The following WWC2 variants were observed in gnomAD, a reference collection of about 807,000 sequenced individuals.
The protein encoded by WWC2 is protein WWC2.
WWC2 carries 101 observed loss-of-function variants against 138.5 expected under a neutral mutation model. That is an observed-to-expected ratio of 0.73 (90% CI 0.62 to 0.86). The LOEUF is 0.86. WWC2 is among the 40% of genes least tolerant of loss of function. The probability of loss-of-function intolerance (pLI) is 0.00; values close to 1 mark genes in which losing one functional copy is unlikely to be tolerated. For missense variants in WWC2, 1,420 were observed against 1,419.4 expected (o/e 1.00, Z -0.01); for synonymous variants, 558 against 538.4 (o/e 1.04, Z -0.50).
intron 1 of WWC2, among the ~76,000 whole-genome samples, chr4:183,172,556 GTTTTTTTT>G (rs61599876): frequency 2.7e-4 from 31 of 113,054 alleles, no homozygotes; most frequent in Admixed American, 2.1e-3. Context: ...TATGTTTCTT[GTTTTTTTT>G]TTTTTTTTTT....
chr4:183,157,498 T>G (rs1347918157), intron 1 of WWC2, among the ~76,000 whole-genome samples: 1 of 151,920 alleles, frequency 6.6e-6, no homozygotes, highest in Admixed American at 6.6e-5. Flanking sequence ...GTCACTCAAT[T>G]TTTTTTTATA....
chr4:183,155,192 GA>G (rs1196838576), intron 1 of WWC2, among the ~76,000 whole-genome samples: 24 of 33,146 alleles, frequency 7.2e-4, no homozygotes, highest in Middle Eastern at 0.012. Context: ...CTTCTGAGGA[GA>G]GAGAGAGAGA....
chr4:183,108,812 T>C (rs1237592724), intron 1 of WWC2, among the ~76,000 whole-genome samples: 3 of 152,174 alleles, frequency 2.0e-5, no homozygotes, highest in African/African-American at 2.4e-5. Flanking sequence ...GGTTTCACCA[T>C]GTTGGCCAGG....
rs181062813 is a variant in WWC2 at position 183,118,815 on chromosome 4, T to C, written c.131+19193T>C. ...TGCAGCCAAGTAGCCAAGCGTTGAG[T>C]CCTTTTAGCCAGTTGTCTGACCGGG... On this transcript the variant is annotated intron_variant, in intron 1 of 22. Transcript: ENST00000403733. Among the ~76,000 whole-genome samples, 3 of 152,200 alleles carry C rather than the reference T, an allele frequency of 2.0e-5. No homozygotes were observed. The East Asian group carries it at 5.8e-4, about 29-fold the overall frequency.
At chr4:183,314,553 C>T (rs759718613) in intron 22 of WWC2, among the ~76,000 whole-genome samples, 42 of 152,166 alleles carry the variant, frequency 2.8e-4, no homozygotes, top group Non-Finnish European at 5.9e-4. Context: ...CCGTTCTGCC[C>T]GGCACCACCC....
chr4:183,284,804 T>G lies in WWC2; in HGVS notation c.3048+414T>G, dbSNP rs192806041. On this transcript the variant is annotated intron_variant, in intron 19 of 22. Transcript: ENST00000403733. ...TGAGAACTGTGAATTGCATTTTAGATTAAAAATCCTCTTTTAATAATGCTT... is the reference window on the plus strand; with the variant it reads ...TGAGAACTGTGAATTGCATTTTAGAGTAAAAATCCTCTTTTAATAATGCTT... Among the ~76,000 whole-genome samples, 687 of 152,328 alleles carry G rather than the reference T, an allele frequency of 4.5e-3. 4 individuals are homozygous for G. Among genetic ancestry groups the G allele is most frequent in the African/African-American group, 0.016 (658 of 41,560 alleles).
In WWC2 at chr4:183,319,930, C is replaced by T. The variant is rs760880715; in HGVS notation, c.*4201C>T. On this transcript the variant is annotated 3_prime_UTR_variant, in exon 23 of 23. Coordinates refer to ENST00000403733, the MANE Select transcript of WWC2 (RefSeq NM_024949.6). ...AAACAGTCCAGGCCAAACCCAGAGACCAGCAGGCCCAGAAATCCCAGCCCA... is the reference window on the plus strand; with the variant it reads ...AAACAGTCCAGGCCAAACCCAGAGATCAGCAGGCCCAGAAATCCCAGCCCA... The T allele has an allele frequency of 1.9e-6, 3 of 1,613,540 alleles. No individual in the cohort carries two copies. The South Asian group carries it at 3.3e-5, about 18-fold the overall frequency.
At chr4:183,153,031 G>A (rs1235594490) in intron 1 of WWC2, among the ~76,000 whole-genome samples, 3 of 152,102 alleles carry the variant, frequency 2.0e-5, no homozygotes, top group African/African-American at 7.2e-5. Flanking sequence ...CAGTAGCTGG[G>A]ATTATAGGTA....
At chr4:183,260,823 T>G (rs1737298069) in intron 10 of WWC2, 87 bp from the exon 11 acceptor site, 1 of 1,497,164 alleles carries the variant, frequency 6.7e-7, no homozygotes, top group African/African-American at 1.4e-5. Context: ...GTTTCTTCCC[T>G]CTGCAGATCT....
intron 1 of WWC2, among the ~76,000 whole-genome samples, chr4:183,186,872 A>G (rs1185955184): frequency 3.3e-5 from 5 of 152,190 alleles, no homozygotes; most frequent in African/African-American, 4.8e-5. Context: ...CCTAGGACCA[A>G]CAGAGGGGAG....
At chr4:183,127,477 G>A (rs1217477835) in intron 1 of WWC2, among the ~76,000 whole-genome samples, 2 of 152,152 alleles carry the variant, frequency 1.3e-5, no homozygotes, top group Non-Finnish European at 2.9e-5. Flanking sequence ...TGGTTATCAA[G>A]GATGAACTAG....
At chr4:183,228,630 G>T (rs1391241497) in intron 4 of WWC2, among the ~76,000 whole-genome samples, 3 of 152,106 alleles carry the variant, frequency 2.0e-5, no homozygotes, top group African/African-American at 4.8e-5. Flanking sequence ...CAACAAAGCT[G>T]TTTCCCACCT....
intron 1 of WWC2, among the ~76,000 whole-genome samples, chr4:183,187,929 G>A (rs1465144554): frequency 6.6e-6 from 1 of 151,692 alleles, no homozygotes; most frequent in Middle Eastern, 3.2e-3. Flanking sequence ...CCATTTTGAA[G>A]GGTTGTTATT....
chr4:183,123,681 T>A (rs1732673546), intron 1 of WWC2, among the ~76,000 whole-genome samples: 1 of 152,130 alleles, frequency 6.6e-6, no homozygotes, highest in African/African-American at 2.4e-5. Flanking sequence ...CATACATGTT[T>A]ATTGGCCTTC....
intron 4 of WWC2, among the ~76,000 whole-genome samples, chr4:183,236,903 T>A (rs576345989): frequency 6.6e-6 from 1 of 152,176 alleles, no homozygotes; most frequent in Non-Finnish European, 1.5e-5. Context: ...CTATCTTACC[T>A]TTTTTTGTGT....
At chr4:183,124,757 T>A (rs890299000) in intron 1 of WWC2, among the ~76,000 whole-genome samples, 1 of 152,012 alleles carries the variant, frequency 6.6e-6, no homozygotes, top group Non-Finnish European at 1.5e-5. Context: ...GCCCGGCTAA[T>A]TTTTTGTATT....
At chr4:183,244,901 C>A (rs1054527896) in intron 5 of WWC2, among the ~76,000 whole-genome samples, 1 of 151,866 alleles carries the variant, frequency 6.6e-6, no homozygotes, top group Non-Finnish European at 1.5e-5. Context: ...AAAAGACATG[C>A]GTTTGTTTGA....
intron 1 of WWC2, among the ~76,000 whole-genome samples, chr4:183,146,261 C>T (rs1331600055): frequency 6.6e-6 from 1 of 152,056 alleles, no homozygotes; most frequent in Admixed American, 6.6e-5. Context: ...ACAGATTGGA[C>T]CATGATTTCA....
chr4:183,272,404 G>A (rs1737719811), intron 16 of WWC2, among the ~76,000 whole-genome samples: 1 of 152,156 alleles, frequency 6.6e-6, no homozygotes, highest in Non-Finnish European at 1.5e-5. Context: ...CTTAAAAATA[G>A]CTTTATTACA....
Sources: allele counts gnomAD v4.1 joint callset (sites outside exome capture counted in the v4.1 genomes callset), GRCh38; gene constraint gnomAD v4.1.1; transcripts MANE v1.5; gene names NCBI Gene and HGNC (gene_info 2026-07-23, HGNC 2026-07-21).